Variants in PCDH15 observed in about 807,000 individuals in gnomAD.
PCDH15 encodes the protein protocadherin-15.
In PCDH15, 129 loss-of-function variants were observed where a neutral mutation model predicts 178.5. The observed-to-expected ratio is 0.72, with a 90% CI of 0.63 to 0.84. The LOEUF (loss-of-function observed/expected upper bound fraction) is 0.84, where lower values mean the gene tolerates loss of function less well. Among genes scored for constraint, PCDH15 ranks in the 40% least tolerant of loss-of-function variants. The probability of loss-of-function intolerance (pLI) is 0.00; values close to 1 mark genes in which losing one functional copy is unlikely to be tolerated. For synonymous variants in PCDH15, 800 were observed against 732.0 expected (o/e 1.09, Z -1.50); for missense variants, 2,230 against 2,099.9 (o/e 1.06, Z -1.21).
At chr10:54,455,738 A>G (rs539339534) in intron 3 of PCDH15, among the ~76,000 whole-genome samples, 1 of 152,290 alleles carries the variant, frequency 6.6e-6, no homozygotes, top group South Asian at 2.1e-4. Context: ...GAACTTCACA[A>G]TAGCCCCTCC....
chr10:54,193,067 C>T (rs935231216), intron 11 of PCDH15, among the ~76,000 whole-genome samples: 33 of 152,182 alleles, frequency 2.2e-4, no homozygotes, highest in Non-Finnish European at 1.3e-4. Flanking sequence ...AAAAACACTT[C>T]AGAGCATTTC....
intron 2 of PCDH15, among the ~76,000 whole-genome samples, chr10:54,570,995 A>T (rs1312886326): frequency 2.6e-5 from 4 of 151,854 alleles, no homozygotes; most frequent in Non-Finnish European, 5.9e-5. Flanking sequence ...TGCAGCCCTG[A>T]TGATGAATTC....
chr10:53,946,732 C>T (rs941062815), intron 23 of PCDH15, among the ~76,000 whole-genome samples: 1 of 150,098 alleles, frequency 6.7e-6, no homozygotes, highest in African/African-American at 2.4e-5. Context: ...TTCGCATGCA[C>T]AATACTTACA....
At chr10:55,201,448 T>C (rs114770563) in intron 1 of PCDH15, among the ~76,000 whole-genome samples, 2 of 152,288 alleles carry the variant, frequency 1.3e-5, no homozygotes, top group South Asian at 4.1e-4. Flanking sequence ...TAATGATTTA[T>C]TATATAAGCA....
At chr10:54,900,238 G>A (rs915441189) in intron 2 of PCDH15, among the ~76,000 whole-genome samples, 43 of 152,108 alleles carry the variant, frequency 2.8e-4, no homozygotes, top group African/African-American at 9.9e-4. Context: ...CAATACCCAG[G>A]AAATAAACAA....
At chr10:55,530,543 T>C (rs1195515746) in intron 2 of PCDH15, among the ~76,000 whole-genome samples, 1 of 151,946 alleles carries the variant, frequency 6.6e-6, no homozygotes, top group African/African-American at 2.4e-5. Context: ...TTATTAGACA[T>C]CTTTGGATGA....
intron 2 of PCDH15, chr10:55,513,079 A>G (rs1382964920): frequency 6.6e-6 from 1 of 152,168 alleles, no homozygotes; most frequent in Non-Finnish European, 1.5e-5. Flanking sequence ...AAAAAGAGTA[A>G]TAAGACGTAA....
intron 1 of PCDH15, among the ~76,000 whole-genome samples, chr10:54,725,742 A>C (rs1234475971): frequency 6.6e-6 from 1 of 151,366 alleles, no homozygotes; most frequent in Non-Finnish European, 1.5e-5. Flanking sequence ...ATTCAAGCTA[A>C]AACTGATAAA....
chr10:54,737,489 A>T (rs1409261631), intron 1 of PCDH15, among the ~76,000 whole-genome samples: 4 of 152,146 alleles, frequency 2.6e-5, no homozygotes, highest in Non-Finnish European at 5.9e-5. Flanking sequence ...GTAATGAGTT[A>T]GTAAATTCCA....
intron 26 of PCDH15, among the ~76,000 whole-genome samples, chr10:53,888,305 T>TAC (rs1336709110): frequency 5.8e-4 from 22 of 38,156 alleles, no homozygotes; most frequent in Non-Finnish European, 9.3e-4. Context: ...TATATATATA[T>TAC]ATATGTATAT....
chr10:54,017,762 A>T (rs1359626564), intron 20 of PCDH15, among the ~76,000 whole-genome samples: 2 of 152,150 alleles, frequency 1.3e-5, no homozygotes, highest in African/African-American at 4.8e-5. Flanking sequence ...CTTATGTAAC[A>T]AATGTGAACA....
chr10:54,502,367 G>A lies in PCDH15; in HGVS notation c.157+25445C>T, dbSNP rs1030913949. ...TCTATTTATATTTTTCACTTGTTTC[G>A]CAGTGTTTCAGTTATAACAGCCTTT... is the stretch of plus-strand genomic sequence containing the variant. On this transcript the variant is annotated intron_variant, in intron 3 of 37. Transcript: ENST00000644397. 4.0e-5 allele frequency among the ~76,000 whole-genome samples: 6 copies of A among 151,864 alleles called. No individual in the cohort carries two copies. In the East Asian group the frequency reaches 5.8e-4, roughly 15 times the overall value.
At chr10:54,102,515 C>T (rs2094831283) in intron 15 of PCDH15, among the ~76,000 whole-genome samples, 2 of 152,202 alleles carry the variant, frequency 1.3e-5, no homozygotes, top group African/African-American at 2.4e-5. Flanking sequence ...GTTTTATGCT[C>T]AGGCCAAATA....
At chr10:54,464,643 C>G (rs980259639) in intron 3 of PCDH15, among the ~76,000 whole-genome samples, 8 of 152,124 alleles carry the variant, frequency 5.3e-5, no homozygotes, top group Non-Finnish European at 7.4e-5. Context: ...ATAGTGAAGT[C>G]AACATAGGTA....
chr10:54,344,565 G>A (rs1942877739), intron 6 of PCDH15, among the ~76,000 whole-genome samples: 1 of 151,956 alleles, frequency 6.6e-6, no homozygotes, highest in African/African-American at 2.4e-5. Context: ...GATACTTGCT[G>A]GGAGGTTTTA....
At chr10:55,154,791 C>T (rs1285429916) in intron 2 of PCDH15, among the ~76,000 whole-genome samples, 2 of 152,128 alleles carry the variant, frequency 1.3e-5, no homozygotes, top group African/African-American at 4.8e-5. Context: ...TCACTACTGT[C>T]TGCTTTCTCC....
chr10:54,517,226 TAAATG>T (rs1281268164), intron 3 of PCDH15, among the ~76,000 whole-genome samples: 1 of 152,118 alleles, frequency 6.6e-6, no homozygotes, highest in Non-Finnish European at 1.5e-5. Flanking sequence ...ACTTTAAATA[TAAATG>T]GGCTAAATGC....
chr10:53,813,998 TG>T (rs1193045227), intron 35 of PCDH15, among the ~76,000 whole-genome samples: 1 of 151,234 alleles, frequency 6.6e-6, no homozygotes, highest in African/African-American at 2.5e-5. Flanking sequence ...GGTTGAAGTG[TG>T]GGGGAAGGAA....
chr10:54,431,297 A>G (rs552209815), intron 3 of PCDH15, among the ~76,000 whole-genome samples: 57 of 150,404 alleles, frequency 3.8e-4, no homozygotes, highest in African/African-American at 9.8e-4. Context: ...AGACAAAGAC[A>G]TAAAAAAAAA....
Sources: gnomAD v4.1 joint callset for allele counts (sites outside exome capture counted in the v4.1 genomes callset) on GRCh38, gnomAD v4.1.1 for gene constraint, MANE v1.5 for transcripts, NCBI Gene and HGNC (gene_info 2026-07-23, HGNC 2026-07-21) for gene names.